Variants in ABCA4 observed in about 807,000 individuals in gnomAD.
ABCA4 encodes the protein ATP binding cassette subfamily A member 4, also known as retinal-specific phospholipid-transporting ATPase ABCA4.
A neutral mutation model predicts 263.7 loss-of-function variants in ABCA4; 196 were observed. That is an observed-to-expected ratio of 0.74 (90% CI 0.66 to 0.84). The LOEUF (loss-of-function observed/expected upper bound fraction) is 0.84, where lower values mean the gene tolerates loss of function less well. Among genes scored for constraint, ABCA4 ranks in the 40% least tolerant of loss-of-function variants. The probability of loss-of-function intolerance (pLI) is 0.00; values close to 1 mark genes in which losing one functional copy is unlikely to be tolerated. For missense variants in ABCA4, 2,792 were observed against 2,855.1 expected (o/e 0.98, Z 0.50); for synonymous variants, 1,133 against 1,094.2 (o/e 1.04, Z -0.70).
intron 19 of ABCA4, chr1:94,045,576 G>T: frequency 2.7e-6 from 1 of 369,926 alleles, no homozygotes; most frequent in South Asian, 2.0e-5. Context: ...GACCATATCA[G>T]TTAGCATGGA....
Position 94,111,599 on chromosome 1 carries a change from G to A in ABCA4, c.161-20C>T. On this transcript the variant is annotated intron_variant, in intron 2 of 49. Transcript: ENST00000370225. The stretch of plus-strand genomic sequence containing the variant: ...AATGGCCTTTAAAACAGAAAATGAG[G>A]ACAAGACGGGATTAGTCATGGAGAC... 6 of 1,614,046 alleles carry A rather than the reference G, an allele frequency of 3.7e-6. No individual in the cohort carries two copies. Among genetic ancestry groups the A allele is most frequent in the African/African-American group, 1.3e-5 (1 of 75,056 alleles).
At chr1:93,993,331 A>G (rs1658920410) in intron 49 of ABCA4, 89 bp from the exon 50 acceptor site, 2 of 1,580,484 alleles carry the variant, frequency 1.3e-6, no homozygotes, top group African/African-American at 1.3e-5. Flanking sequence ...ACAGTTGTCA[A>G]TCAATTTCTG....
chr1:94,033,071 T>C (rs186146570), intron 26 of ABCA4, among the ~76,000 whole-genome samples: 1 of 152,268 alleles, frequency 6.6e-6, no homozygotes, highest in African/African-American at 2.4e-5. Context: ...TCTTACAAGA[T>C]ACATAAATTT....
intron 38 of ABCA4, among the ~76,000 whole-genome samples, chr1:94,013,999 A>G (rs1659648650): frequency 6.6e-6 from 1 of 152,100 alleles, no homozygotes; most frequent in Admixed American, 6.6e-5. Context: ...TTAGATTTTG[A>G]AATTACCCAA....
intron 14 of ABCA4, 98 bp downstream of exon 14, chr1:94,060,439 C>T: frequency 8.6e-7 from 1 of 1,166,182 alleles, no homozygotes; most frequent in East Asian, 2.4e-5. Context: ...TCACGCTCTC[C>T]TTGGTGGCCA....
intron 6 of ABCA4, among the ~76,000 whole-genome samples, chr1:94,086,800 A>T (rs1352433455): frequency 2.0e-5 from 3 of 152,216 alleles, no homozygotes; most frequent in Non-Finnish European, 2.9e-5. Context: ...CACTTGGAGA[A>T]CACCCTGCCC....
chr1:94,086,861 C>T (rs1042579859), intron 6 of ABCA4, among the ~76,000 whole-genome samples: 3 of 152,140 alleles, frequency 2.0e-5, no homozygotes, highest in African/African-American at 4.8e-5. Context: ...TCCAAGAATA[C>T]GAGATCAGCA....
chr1:94,004,697 G>A (rs1405171348), intron 44 of ABCA4, among the ~76,000 whole-genome samples: 1 of 151,862 alleles, frequency 6.6e-6, no homozygotes, highest in Non-Finnish European at 1.5e-5. Flanking sequence ...TTGAATATGT[G>A]GAACATTAAC....
Position 94,098,996 on chromosome 1 carries a change from A to C in ABCA4, c.571-5T>G, listed in dbSNP as rs200013776. The C allele has an allele frequency of 4.3e-5, 69 of 1,602,720 alleles. No homozygotes were observed. In the East Asian group the frequency reaches 1.5e-3, roughly 35 times the overall value. ...GTCCGGGACTCCATGAGCGAACTGC[A>C]GGGAGAAGAGGCAACACTAGAAACT... On this transcript the variant is annotated splice_polypyrimidine_tract_variant and splice_region_variant and intron_variant, in intron 5 of 49. Transcript: ENST00000370225.
chr1:94,071,957 AG>A (rs1661411166), intron 11 of ABCA4, among the ~76,000 whole-genome samples: 1 of 152,260 alleles, frequency 6.6e-6, no homozygotes, highest in Non-Finnish European at 1.5e-5. Flanking sequence ...ATGAATTAAT[AG>A]AAGAAAGAAA....
chr1:94,024,152 G>A (rs917646309), intron 31 of ABCA4, among the ~76,000 whole-genome samples: 3 of 152,104 alleles, frequency 2.0e-5, no homozygotes, highest in African/African-American at 4.8e-5. Flanking sequence ...TTTATCCCTC[G>A]TTCAGGGCTC....
At chr1:94,065,659 C>T (rs971136105) in intron 11 of ABCA4, among the ~76,000 whole-genome samples, 1 of 152,174 alleles carries the variant, frequency 6.6e-6, no homozygotes, top group Non-Finnish European at 1.5e-5. Flanking sequence ...TGTTCTCAGT[C>T]TTCTAGATAA....
chr1:94,032,359 G>T (rs1186885368), intron 26 of ABCA4, among the ~76,000 whole-genome samples: 1 of 152,174 alleles, frequency 6.6e-6, no homozygotes, highest in East Asian at 1.9e-4. Context: ...AAAACTGGCT[G>T]GGCACGGAGG....
chr1:94,008,104 T>A, intron 42 of ABCA4, 131 bp downstream of exon 42: 1 of 852,642 alleles, frequency 1.2e-6, no homozygotes, highest in Non-Finnish European at 1.9e-6. Context: ...TAGTGGAAGA[T>A]TTAAAATTAC....
intron 6 of ABCA4, among the ~76,000 whole-genome samples, chr1:94,096,994 G>A (rs981092094): frequency 3.3e-5 from 5 of 152,216 alleles, no homozygotes; most frequent in Non-Finnish European, 5.9e-5. Flanking sequence ...TGGACTCCTG[G>A]CTGTGCTGGT....
chr1:94,044,812 C>T, intron 19 of ABCA4, 68 bp from the exon 20 acceptor site: 1 of 1,610,030 alleles, frequency 6.2e-7, no homozygotes, highest in Non-Finnish European at 8.5e-7. Flanking sequence ...GGGCCACCCC[C>T]ACACCAGGTT....
At chr1:94,062,507 AG>A in intron 13 of ABCA4, 69 bp downstream of exon 13, 48 of 840,190 alleles carry the variant, frequency 5.7e-5, no homozygotes, top group East Asian at 1.2e-4. Context: ...GGGCACCCCC[AG>A]CCCACCCCAG....
chr1:94,062,441 G>C, intron 13 of ABCA4, 136 bp downstream of exon 13: 1 of 1,005,228 alleles, frequency 9.9e-7, no homozygotes, highest in Non-Finnish European at 1.5e-6. Flanking sequence ...AGAGCTCCAT[G>C]CTCTCCAATT....
intron 3 of ABCA4, among the ~76,000 whole-genome samples, chr1:94,109,652 GC>G: frequency 6.6e-6 from 1 of 152,288 alleles, no homozygotes; most frequent in African/African-American, 2.4e-5. Flanking sequence ...AGATACAGAG[GC>G]CAGGGCTGGC....
Sources: gnomAD v4.1 joint callset for allele counts (sites outside exome capture counted in the v4.1 genomes callset) on GRCh38, gnomAD v4.1.1 for gene constraint, MANE v1.5 for transcripts, NCBI Gene and HGNC (gene_info 2026-07-23, HGNC 2026-07-21) for gene names.